Variants in ABCC8 observed in about 807,000 individuals in gnomAD.
ABCC8 encodes ATP-binding cassette sub-family C member 8.
A neutral mutation model predicts 188.0 loss-of-function variants in ABCC8; 137 were observed. That is an observed-to-expected ratio of 0.73 (90% CI 0.63 to 0.84). ABCC8 has a LOEUF of 0.84. ABCC8 is among the 40% of genes least tolerant of loss of function. The probability of loss-of-function intolerance (pLI) is 0.00; values close to 1 mark genes in which losing one functional copy is unlikely to be tolerated. For missense variants in ABCC8, 1,750 were observed against 2,072.7 expected (o/e 0.84, Z 3.02); for synonymous variants, 797 against 846.5 (o/e 0.94, Z 1.01).
intron 6 of ABCC8, 128 bp downstream of exon 6, chr11:17,460,360 T>A: frequency 7.0e-7 from 1 of 1,427,578 alleles, no homozygotes; most frequent in Non-Finnish European, 9.8e-7. Context: ...GATACTGCTA[T>A]GGGCTTTGCG....
chr11:17,439,797 G>A lies in ABCC8; in HGVS notation c.1630+2923C>T, dbSNP rs987123398. Among the ~76,000 whole-genome samples, 3 of 152,088 alleles carry A rather than the reference G, an allele frequency of 2.0e-5. 1 individual carries two copies. The highest frequency in any genetic ancestry group is 1.3e-4 in the Admixed American group (2 of 15,270). On this transcript the variant is annotated intron_variant, in intron 10 of 38. Transcript: ENST00000389817. Reference sequence around the variant, plus strand: ...GACTTGGACACGTGAGGAGTCCTGGGCGGGCTCCTGCTTGGCTCCAGAGCC... The same window carrying A: ...GACTTGGACACGTGAGGAGTCCTGGACGGGCTCCTGCTTGGCTCCAGAGCC...
rs764040695 is a variant in ABCC8, at chr11:17,392,988, A to G, written c.*3T>C. 2 of 1,614,088 alleles carry G rather than the reference A, an allele frequency of 1.2e-6. No homozygotes were observed. The highest frequency in any genetic ancestry group is 1.7e-6 in the Non-Finnish European group (2 of 1,180,048). On this transcript the variant is annotated 3_prime_UTR_variant, in exon 39 of 39. Transcript: ENST00000389817. ...TGTGGGATGGCACTTGGGCTCTGGCAGGTCACTTGTCTGCACGGACGAAGG... is the reference window on the plus strand; with the variant it reads ...TGTGGGATGGCACTTGGGCTCTGGCGGGTCACTTGTCTGCACGGACGAAGG...
intron 17 of ABCC8, 54 bp downstream of exon 17, chr11:17,416,876 C>T: frequency 6.3e-7 from 1 of 1,595,724 alleles, no homozygotes; most frequent in East Asian, 2.2e-5. Flanking sequence ...TCCACCCCCA[C>T]CCTACCCCTT....
rs1371231492 is a variant in ABCC8 at position 17,453,202 on chromosome 11, C to A, written c.1093G>T (p.Ala365Ser). ...AGAAATGTCCTTTGCAGTAGGAGGG[C>A]AAGGAACAGAAGCACAGCTAAGACG... Reference protein sequence around the residue: ...AYVLAVLLFLALLLQRTFLQA... With the variant: ...AYVLAVLLFLSLLLQRTFLQA... Residue 365 changes from alanine (A) to serine (S), a missense_variant, in exon 7 of 39, where the codon GCC (alanine) becomes TCC (serine). Ala to Ser is a moderately conservative substitution (Grantham distance 99). Transcript: ENST00000389817. 3 of 1,613,980 alleles carry A rather than the reference C, an allele frequency of 1.9e-6. No individual in the cohort carries two copies. The African/African-American group carries it at 4.0e-5, about 22-fold the overall frequency.
At chr11:17,411,207 C>T (rs1271472350) in intron 21 of ABCC8, among the ~76,000 whole-genome samples, 1 of 152,212 alleles carries the variant, frequency 6.6e-6, no homozygotes, top group Non-Finnish European at 1.5e-5. Flanking sequence ...GTGACACTGG[C>T]GCAAAGCCAG....
At chr11:17,394,149 A>G (rs768392453) in intron 37 of ABCC8, 117 bp downstream of exon 37, 9 of 1,335,940 alleles carry the variant, frequency 6.7e-6, no homozygotes, top group Non-Finnish European at 7.5e-6. Flanking sequence ...TCTGCAACAC[A>G]TAGCATTTGA....
At chr11:17,453,395 G>C (rs1332663406) in intron 6 of ABCC8, 112 bp from the exon 7 acceptor site, 6 of 1,393,120 alleles carry the variant, frequency 4.3e-6, no homozygotes, top group Non-Finnish European at 5.9e-6. Context: ...AGACCCTCTG[G>C]GCTTGCAAAG....
chr11:17,405,458 C>A, intron 27 of ABCC8, 36 bp downstream of exon 27: 1 of 1,613,978 alleles, frequency 6.2e-7, no homozygotes, highest in Non-Finnish European at 8.5e-7. Flanking sequence ...CGAGGTGTCT[C>A]TGGAAGGGGG....
chr11:17,397,554 C>A, intron 31 of ABCC8, 130 bp downstream of exon 31: 1 of 1,438,738 alleles, frequency 7.0e-7, no homozygotes, highest in Non-Finnish European at 9.4e-7. Flanking sequence ...CCTGCCCGCA[C>A]TGTCCCTCTG....
chr11:17,401,155 G>A (rs936158875), intron 29 of ABCC8, among the ~76,000 whole-genome samples: 1 of 152,222 alleles, frequency 6.6e-6, no homozygotes, highest in Admixed American at 6.5e-5. Context: ...GGCCCTCTGA[G>A]ACACCAATTG....
At chr11:17,412,164 T>C (rs1954843224) in intron 21 of ABCC8, among the ~76,000 whole-genome samples, 1 of 152,200 alleles carries the variant, frequency 6.6e-6, no homozygotes, top group Non-Finnish European at 1.5e-5. Context: ...AGTGCTGGAA[T>C]AACAGGCGTG....
intron 2 of ABCC8, 48 bp from the exon 3 acceptor site, chr11:17,470,270 G>T (rs772999625): frequency 6.2e-7 from 1 of 1,612,310 alleles, no homozygotes; most frequent in African/African-American, 1.3e-5. Context: ...GCTAAGTACT[G>T]CAATAGAGCA....
chr11:17,435,732 T>C (rs1335811060), intron 10 of ABCC8: 2 of 1,361,410 alleles, frequency 1.5e-6, no homozygotes, highest in Non-Finnish European at 2.1e-6. Context: ...CCACTCCAGA[T>C]TGGTATAGCT....
At chr11:17,446,268 C>A (rs527906384) in intron 8 of ABCC8, among the ~76,000 whole-genome samples, 10 of 152,148 alleles carry the variant, frequency 6.6e-5, no homozygotes, top group African/African-American at 2.4e-4. Context: ...GCCTGGCCAA[C>A]AAAATCTTAC....
At chr11:17,439,300 G>T (rs1956221742) in intron 10 of ABCC8, among the ~76,000 whole-genome samples, 1 of 152,082 alleles carries the variant, frequency 6.6e-6, no homozygotes, top group African/African-American at 2.4e-5. Flanking sequence ...TGATATTGAT[G>T]GCGAGACCAT....
chr11:17,455,196 T>C (rs1057490742), intron 6 of ABCC8, among the ~76,000 whole-genome samples: 1 of 152,058 alleles, frequency 6.6e-6, no homozygotes, highest in Admixed American at 6.5e-5. Context: ...AATGGTTAGG[T>C]AATTAAGGTA....
intron 33 of ABCC8, 46 bp from the exon 34 acceptor site, chr11:17,395,976 T>C: frequency 6.4e-7 from 1 of 1,552,914 alleles, no homozygotes; most frequent in Non-Finnish European, 8.7e-7. Flanking sequence ...CTGGGGCTGC[T>C]GGGAATAGCC....
At chr11:17,453,722 AT>A (rs1956895820) in intron 6 of ABCC8, among the ~76,000 whole-genome samples, 1 of 152,220 alleles carries the variant, frequency 6.6e-6, no homozygotes, top group Admixed American at 6.5e-5. Flanking sequence ...ACAGCCTGTA[AT>A]GTAGCAATTA....
chr11:17,438,347 G>A (rs536304179), intron 10 of ABCC8, among the ~76,000 whole-genome samples: 70 of 151,436 alleles, frequency 4.6e-4, no homozygotes, highest in African/African-American at 1.2e-3. Flanking sequence ...GAGAAACAGG[G>A]GCATTTGGAA....
Sources: gnomAD v4.1 joint callset for allele counts (sites outside exome capture counted in the v4.1 genomes callset) on GRCh38, gnomAD v4.1.1 for gene constraint, MANE v1.5 for transcripts, NCBI Gene and HGNC (gene_info 2026-07-23, HGNC 2026-07-21) for gene names.